The following SLIT3 variants were observed in gnomAD, a reference collection of about 807,000 sequenced individuals.
SLIT3 encodes the protein slit guidance ligand 3, also known as slit homolog 3 protein.
A neutral mutation model predicts 184.0 loss-of-function variants in SLIT3; 68 were observed. The observed-to-expected ratio is 0.37, with a 90% CI of 0.30 to 0.45. The LOEUF (loss-of-function observed/expected upper bound fraction) is 0.45. SLIT3 is among the 20% of genes least tolerant of loss of function. The pLI is 1.00. For missense variants in SLIT3, 1,707 were observed against 2,026.0 expected (o/e 0.84, Z 3.02); for synonymous variants, 831 against 828.6 (o/e 1.00, Z -0.05).
At chr5:168,739,523 A>G (rs887439789) in intron 20 of SLIT3, among the ~76,000 whole-genome samples, 11 of 151,458 alleles carry the variant, frequency 7.3e-5, no homozygotes, top group African/African-American at 2.2e-4. Flanking sequence ...CCCAGCTTCA[A>G]GTGATTCTCC....
intron 7 of SLIT3, among the ~76,000 whole-genome samples, chr5:168,820,764 A>G (rs1205509972): frequency 6.6e-6 from 1 of 152,244 alleles, no homozygotes; most frequent in Non-Finnish European, 1.5e-5. Flanking sequence ...TACAAATGCC[A>G]ATTTATAAAA....
intron 4 of SLIT3, among the ~76,000 whole-genome samples, chr5:169,064,434 T>C (rs1758280542): frequency 6.6e-6 from 1 of 152,224 alleles, no homozygotes; most frequent in African/African-American, 2.4e-5. Context: ...TTAGATATGA[T>C]CTTATTTGCC....
intron 4 of SLIT3, among the ~76,000 whole-genome samples, chr5:169,185,209 C>T (rs1276855965): frequency 1.3e-5 from 2 of 152,216 alleles, no homozygotes; most frequent in African/African-American, 4.8e-5. Flanking sequence ...ATAAAGCAAA[C>T]ACAAGGCTGG....
chr5:169,073,705 G>A (rs1365703484), intron 4 of SLIT3, among the ~76,000 whole-genome samples: 2 of 151,944 alleles, frequency 1.3e-5, no homozygotes, highest in Admixed American at 6.6e-5. Flanking sequence ...GTTTAAAAGA[G>A]CCTGGCACCT....
In SLIT3 at chr5:168,947,726, G is replaced by A. The variant is rs117087355; in HGVS notation, c.414-64390C>T. ...CCTGAGGCTGGATGCAGACCCAAGGGCTGGGGCTGGGCAATAATGGGGAAG... is the reference window on the plus strand; with the variant it reads ...CCTGAGGCTGGATGCAGACCCAAGGACTGGGGCTGGGCAATAATGGGGAAG... On this transcript the variant is annotated intron_variant, in intron 4 of 35. Transcript: ENST00000519560. Among the ~76,000 whole-genome samples, 44 of 152,306 alleles carry A rather than the reference G, an allele frequency of 2.9e-4. 1 individual carries two copies. The highest frequency in any genetic ancestry group is 2.7e-3 in the East Asian group (14 of 5,178).
chr5:168,775,810 A>T (rs1202960844), intron 12 of SLIT3, among the ~76,000 whole-genome samples: 1 of 152,166 alleles, frequency 6.6e-6, no homozygotes, highest in African/African-American at 2.4e-5. Context: ...TCCCTAAAAA[A>T]TCATCATAGG....
At chr5:168,922,124 G>T (rs1178568016) in intron 4 of SLIT3, among the ~76,000 whole-genome samples, 1 of 152,106 alleles carries the variant, frequency 6.6e-6, no homozygotes, top group African/African-American at 2.4e-5. Flanking sequence ...AAGGAGCAAG[G>T]TTTCAAACTG....
At position 168,661,959 on chromosome 5, in the gene SLIT3, T is replaced by C. The variant is rs1760867778; in HGVS notation, c.*4495A>G. On this transcript the variant is annotated 3_prime_UTR_variant, in exon 36 of 36. Coordinates refer to ENST00000519560, the MANE Select transcript of SLIT3 (RefSeq NM_003062.4). ...GCAAGCTTTGCCAAATGCCTGATTA[T>C]GCCTTTACTGGTCCTGCTAGCTGGC... The C allele has an allele frequency of 6.6e-6, 1 of 152,268 alleles. No individual in the cohort carries two copies. The highest frequency in any genetic ancestry group is 1.5e-5 in the Non-Finnish European group (1 of 68,050). The allele number at this position is 152,268 out of a possible 1,614,324, so 9.4% of individuals were successfully genotyped here.
At position 168,881,080 on chromosome 5, in the gene SLIT3, G is replaced by A. The variant is rs1466148902; in HGVS notation, c.485+2185C>T. Reference sequence around the variant, plus strand: ...TGTTTTTGGTTAATTCATCCTTTAGGCAGTGAATTCACTCCCCTTTCCTTC... The same window carrying A: ...TGTTTTTGGTTAATTCATCCTTTAGACAGTGAATTCACTCCCCTTTCCTTC... On this transcript the variant is annotated intron_variant, in intron 5 of 35. Transcript: ENST00000519560. Among the ~76,000 whole-genome samples the A allele has an allele frequency of 3.7e-4, 57 of 152,088 alleles. 1 individual carries two copies. The highest frequency in any genetic ancestry group is 3.7e-3 in the Admixed American group (57 of 15,268).
chr5:168,975,077 A>AC (rs947761587), intron 4 of SLIT3, among the ~76,000 whole-genome samples: 1 of 152,002 alleles, frequency 6.6e-6, no homozygotes, highest in African/African-American at 2.4e-5. Context: ...GGGCACACAG[A>AC]CCCCCCTACT....
chr5:168,988,773 A>ACCCCC (rs113631292), intron 4 of SLIT3, among the ~76,000 whole-genome samples: 1 of 146,110 alleles, frequency 6.8e-6, no homozygotes, highest in African/African-American at 2.5e-5. Flanking sequence ...CAACTAGGAG[A>ACCCCC]CCCCCCCCCA....
chr5:168,813,287 C>T (rs1416217084), intron 8 of SLIT3, among the ~76,000 whole-genome samples: 2 of 149,972 alleles, frequency 1.3e-5, no homozygotes, highest in Non-Finnish European at 3.0e-5. Context: ...AATTTAAACC[C>T]CCAAATAAAC....
In SLIT3 at chr5:168,755,891, G is replaced by T. The variant is rs183478086; in HGVS notation, c.1686-1884C>A. On this transcript the variant is annotated intron_variant, in intron 16 of 35. Coordinates refer to ENST00000519560, the MANE Select transcript of SLIT3 (RefSeq NM_003062.4). ...TGCGAGTTAGCAGTTCTCCCTGGCAGGGTTGCTGGGGGGCTTGTGTGGACC... is the reference window on the plus strand; with the variant it reads ...TGCGAGTTAGCAGTTCTCCCTGGCATGGTTGCTGGGGGGCTTGTGTGGACC... Among the ~76,000 whole-genome samples, 8 of 152,336 alleles carry T rather than the reference G, an allele frequency of 5.3e-5. No homozygotes were observed. In the South Asian group the frequency reaches 6.2e-4, roughly 12 times the overall value.
chr5:169,250,227 T>G (rs1342400112), intron 2 of SLIT3, among the ~76,000 whole-genome samples: 4 of 152,208 alleles, frequency 2.6e-5, no homozygotes, highest in Non-Finnish European at 4.4e-5. Flanking sequence ...TACCACTATG[T>G]AATACTGTGC....
At chr5:169,263,696 ACTCCCCCTGCAGC>A (rs562661055) in intron 1 of SLIT3, 438 of 504,264 alleles carry the variant, frequency 8.7e-4, no homozygotes, top group African/African-American at 8.2e-3. Context: ...GACACCCCAC[ACTCCCCCTGCAGC>A]CTCCCCCAGC....
chr5:168,873,977 A>G (rs1191991704), intron 5 of SLIT3, among the ~76,000 whole-genome samples: 2 of 152,216 alleles, frequency 1.3e-5, no homozygotes, highest in East Asian at 3.8e-4. Flanking sequence ...GGAGCTAAAA[A>G]TCACCAGGCA....
At chr5:168,831,238 T>C (rs1757869444) in intron 6 of SLIT3, among the ~76,000 whole-genome samples, 1 of 151,964 alleles carries the variant, frequency 6.6e-6, no homozygotes, top group Non-Finnish European at 1.5e-5. Context: ...AGCTTCTCTT[T>C]TGCTTGTTTG....
chr5:168,755,425 CTTT>C (rs1754893886), intron 16 of SLIT3, among the ~76,000 whole-genome samples: 1 of 39,942 alleles, frequency 2.5e-5, no homozygotes, highest in Non-Finnish European at 4.4e-5. Context: ...TTCTTTCTTT[CTTT>C]CTTTCTTTCT....
intron 4 of SLIT3, among the ~76,000 whole-genome samples, chr5:169,069,917 T>G (rs1205051793): frequency 6.6e-6 from 1 of 152,162 alleles, no homozygotes; most frequent in Non-Finnish European, 1.5e-5. Context: ...CTTCAGATGT[T>G]AAGTGGAGTC....
Sources: allele counts gnomAD v4.1 joint callset (sites outside exome capture counted in the v4.1 genomes callset), GRCh38; gene constraint gnomAD v4.1.1; transcripts MANE v1.5; gene names NCBI Gene and HGNC (gene_info 2026-07-23, HGNC 2026-07-21).